Variants in PRELID2 observed in about 807,000 individuals in gnomAD.
PRELID2 encodes the protein PRELI domain containing 2.
In PRELID2, 25 loss-of-function variants were observed where a neutral mutation model predicts 28.4. The ratio of observed to expected loss-of-function variants is 0.88; its 90% CI spans 0.64 to 1.23. PRELID2 has a LOEUF of 1.23. Ranked by LOEUF, PRELID2 falls within the 50% of genes most tolerant of loss-of-function variation. PRELID2 has a pLI of 0.00. For synonymous variants in PRELID2, 76 were observed against 71.6 expected, an observed-to-expected ratio of 1.06 and a Z score of -0.31; for missense variants, 201 against 214.4, an observed-to-expected ratio of 0.94 and a Z score of 0.39.
chr5:145,587,658 T>A (rs1753172339), intron 1 of PRELID2, among the ~76,000 whole-genome samples: 1 of 152,154 alleles, frequency 6.6e-6, no homozygotes. Flanking sequence ...TTATTAGCTA[T>A]TCCTTGTGGG....
At chr5:145,446,633 C>T in the PRELID2 span, among the ~76,000 whole-genome samples, 1 of 152,034 alleles carries the variant, frequency 6.6e-6, no homozygotes, top group Admixed American at 6.6e-5. Context: ...CGGACATAGA[C>T]CAACAGGGAA....
intron 4 of PRELID2, among the ~76,000 whole-genome samples, chr5:145,797,255 A>C (rs1404456867): frequency 3.9e-5 from 6 of 152,066 alleles, no homozygotes; most frequent in Admixed American, 3.9e-4. Context: ...CAATATACAA[A>C]CCAAATTGCC....
chr5:145,655,112 A>G (rs201951703), intron 1 of PRELID2, among the ~76,000 whole-genome samples: 13,163 of 151,666 alleles, frequency 0.087, 941 homozygotes, highest in Admixed American at 0.19. Flanking sequence ...ATAACAGACA[A>G]ACAGAGAGCC....
intron 1 of PRELID2, among the ~76,000 whole-genome samples, chr5:145,604,748 G>GTTTTTTTTTTTTTT (rs377653737): frequency 2.8e-5 from 3 of 108,998 alleles, no homozygotes; most frequent in East Asian, 2.8e-4. Context: ...GTTTTTTTTG[G>GTTTTTTTTTTTTTT]TTTTTTTTTT....
intron 1 of PRELID2, among the ~76,000 whole-genome samples, chr5:145,740,737 A>ATATAAATATATTATATATTTATG (rs1756665512): frequency 8.5e-6 from 1 of 116,988 alleles, no homozygotes; most frequent in Admixed American, 1.0e-4. Context: ...TAAATATTAT[A>ATATAAATATATTATATATTTATG]TATAAATATA....
In PRELID2 at chr5:145,722,653, C is replaced by T. The variant is rs545310125; in HGVS notation, n.70+42278G>A. ...AGCTGGGACTACAGGCACAGCACTA[C>T]AATGCCCAGCTAATTTTTGTATTTT... On this transcript the variant is annotated intron_variant and non_coding_transcript_variant, in intron 1 of 2. Transcript: ENST00000510259. 1.3e-4 allele frequency among the ~76,000 whole-genome samples: 20 copies of T among 152,228 alleles called. 1 individual carries two copies. The highest frequency in any genetic ancestry group is 4.8e-4 in the African/African-American group (20 of 41,544).
intron 1 of PRELID2, among the ~76,000 whole-genome samples, chr5:145,742,096 A>C (rs1221926557): frequency 1.6e-5 from 2 of 128,788 alleles, no homozygotes; most frequent in Admixed American, 8.4e-5. Context: ...ATTTATAATT[A>C]CATATAATTA....
intron 1 of PRELID2, among the ~76,000 whole-genome samples, chr5:145,632,743 T>C (rs1444988463): frequency 2.0e-5 from 3 of 152,194 alleles, no homozygotes; most frequent in African/African-American, 4.8e-5. Context: ...GTTGGACTTA[T>C]GTATGTAAGA....
chr5:145,539,300 G>A (rs1304358609), intron 1 of PRELID2, among the ~76,000 whole-genome samples: 3 of 151,984 alleles, frequency 2.0e-5, no homozygotes, highest in Admixed American at 2.0e-4. Context: ...ACTGACTTTG[G>A]TCACTTTCCC....
the PRELID2 span, among the ~76,000 whole-genome samples, chr5:145,393,628 C>G: frequency 1.3e-5 from 2 of 152,282 alleles, no homozygotes; most frequent in Admixed American, 1.3e-4. Context: ...CTGGTTTGAA[C>G]AGTTAGCTGC....
chr5:145,461,312 T>C, the PRELID2 span, among the ~76,000 whole-genome samples: 1 of 143,648 alleles, frequency 7.0e-6, no homozygotes, highest in Admixed American at 7.2e-5. Flanking sequence ...TCTTCTTCTT[T>C]TTTTTTGAGA....
chr5:145,381,706 C>T, the PRELID2 span: 1 of 152,388 alleles, frequency 6.6e-6, no homozygotes, highest in African/African-American at 2.4e-5. Context: ...TGATCCAGAA[C>T]TGAGAGATTT....
the PRELID2 span, among the ~76,000 whole-genome samples, chr5:145,268,728 A>C: frequency 6.6e-6 from 1 of 152,148 alleles, no homozygotes; most frequent in Non-Finnish European, 1.5e-5. Flanking sequence ...AAAAGTATAA[A>C]GGTTGAAATA....
intron 1 of PRELID2, among the ~76,000 whole-genome samples, chr5:145,657,241 A>G (rs1036541515): frequency 6.6e-6 from 1 of 152,226 alleles, no homozygotes; most frequent in Non-Finnish European, 1.5e-5. Flanking sequence ...TAATTACACT[A>G]TTCTTTCCCT....
chr5:145,774,060 C>T (rs1285623493), intron 5 of PRELID2, among the ~76,000 whole-genome samples: 3 of 152,152 alleles, frequency 2.0e-5, no homozygotes, highest in Non-Finnish European at 2.9e-5. Flanking sequence ...TAGAATTTTT[C>T]AAAGCCATAT....
the PRELID2 span, among the ~76,000 whole-genome samples, chr5:145,325,145 T>A: frequency 1.3e-5 from 2 of 152,224 alleles, no homozygotes; most frequent in Non-Finnish European, 2.9e-5. Context: ...GCACAAATAG[T>A]TTTTAAATAA....
chr5:145,684,975 C>T (rs922204411), intron 1 of PRELID2, among the ~76,000 whole-genome samples: 13 of 152,184 alleles, frequency 8.5e-5, no homozygotes, highest in Non-Finnish European at 1.5e-4. Context: ...GAAAGTTGGG[C>T]TGTTGGTCTC....
At chr5:145,400,871 G>C in the PRELID2 span, among the ~76,000 whole-genome samples, 1 of 152,066 alleles carries the variant, frequency 6.6e-6, no homozygotes, top group African/African-American at 2.4e-5. Context: ...GAAAACATTA[G>C]GGCTATGAGG....
At chr5:145,267,106 C>A in the PRELID2 span, among the ~76,000 whole-genome samples, 3 of 152,054 alleles carry the variant, frequency 2.0e-5, no homozygotes, top group African/African-American at 7.2e-5. Context: ...GCAAAGAAAG[C>A]CAATTCAAGT....
Sources: allele counts gnomAD v4.1 joint callset (sites outside exome capture counted in the v4.1 genomes callset), GRCh38; gene constraint gnomAD v4.1.1; transcripts MANE v1.5; gene names NCBI Gene and HGNC (gene_info 2026-07-23, HGNC 2026-07-21).